The following IQSEC2 variants were observed in gnomAD, a reference collection of about 807,000 sequenced individuals.
IQSEC2 encodes IQ motif and Sec7 domain ArfGEF 2, also known as IQ motif and SEC7 domain-containing protein 2.
Under a neutral mutation model 74.6 loss-of-function variants are expected in IQSEC2, and 6 were observed. That is an observed-to-expected ratio of 0.08 (90% CI 0.04 to 0.16). The LOEUF is 0.16. IQSEC2 is among the 10% of genes least tolerant of loss of function. The pLI is 1.00. For synonymous variants in IQSEC2, 494 were observed against 544.5 expected, an observed-to-expected ratio of 0.91 and a Z score of 1.29; for missense variants, 734 against 1,306.2, an observed-to-expected ratio of 0.56 and a Z score of 6.75.
chrX:53,289,634 C>G (rs1402581533), intron 2 of IQSEC2, among the ~76,000 whole-genome samples: 1 of 111,380 alleles, frequency 9.0e-6, no homozygotes, highest in Non-Finnish European at 1.9e-5. Context: ...CCCTACCCAG[C>G]CCTGGTTGCA....
rs1362801354 is a variant in IQSEC2 at position 53,235,197 on chromosome X, A to AG, written c.3502-14dup. ...TAATAACAGACCCCTGGAAGCGGGGAGGGGGGAAGTCAGGCCAGGCTAGAT... is the reference window on the plus strand; with the variant it reads ...TAATAACAGACCCCTGGAAGCGGGGAGGGGGGGAAGTCAGGCCAGGCTAGAT... On this transcript the variant is annotated splice_polypyrimidine_tract_variant and intron_variant, in intron 14 of 14. Coordinates refer to ENST00000642864, the MANE Select transcript of IQSEC2 (RefSeq NM_001111125.3). 1 of 1,163,930 alleles carries AG rather than the reference A, an allele frequency of 8.6e-7. No individual in the cohort carries two copies. Among genetic ancestry groups the AG allele is most frequent in the African/African-American group, 1.8e-5 (1 of 55,818 alleles).
intron 2 of IQSEC2, among the ~76,000 whole-genome samples, chrX:53,284,370 A>G (rs2075005144): frequency 9.2e-6 from 1 of 108,676 alleles, no homozygotes; most frequent in African/African-American, 3.4e-5. Flanking sequence ...CCCCACCTTC[A>G]ACCTGCACCC....
intron 9 of IQSEC2, 35 bp from the exon 10 acceptor site, chrX:53,241,944 C>A (rs372450194): frequency 2.7e-4 from 321 of 1,197,222 alleles, no homozygotes; most frequent in Middle Eastern, 2.0e-3. Flanking sequence ...GTCAGCAAGG[C>A]CAGCCCATCA....
intron 2 of IQSEC2, among the ~76,000 whole-genome samples, chrX:53,290,248 G>GTGTCAC (rs1200721424): frequency 1.1e-4 from 12 of 111,983 alleles, no homozygotes; most frequent in African/African-American, 3.6e-4. Context: ...TCTACCTACA[G>GTGTCAC]TGTCACTGGG....
At chrX:53,282,132 T>C in intron 2 of IQSEC2, among the ~76,000 whole-genome samples, 1 of 112,849 alleles carries the variant, frequency 8.9e-6, no homozygotes, top group Middle Eastern at 4.6e-3. Context: ...GCCAATATTC[T>C]TTCTCACTGC....
intron 1 of IQSEC2, among the ~76,000 whole-genome samples, chrX:53,301,669 G>C (rs782628689): frequency 1.8e-5 from 2 of 111,897 alleles, no homozygotes; most frequent in Non-Finnish European, 3.8e-5. Context: ...ATATCTCAAG[G>C]CTCCATATGA....
intron 1 of IQSEC2, among the ~76,000 whole-genome samples, chrX:53,312,409 CT>C (rs1556878229): frequency 8.9e-6 from 1 of 111,748 alleles, no homozygotes; most frequent in Non-Finnish European, 1.9e-5. Flanking sequence ...TTATGAGCAC[CT>C]TGAAGCCAGG....
rs781998659 is a variant in IQSEC2 at position 53,273,136 on chromosome X, C to T, written c.738-17075G>A. ...TGACTCCACTATTTTTCCCCTATGA[C>T]GTCATCCTGCTTGGAAGGGCCAAAG... is the stretch of plus-strand genomic sequence containing the variant. On this transcript the variant is annotated intron_variant, in intron 2 of 14. Transcript: ENST00000642864. 1.6e-4 allele frequency among the ~76,000 whole-genome samples: 18 copies of T among 109,226 alleles called. No homozygotes were observed. In the South Asian group the frequency reaches 5.6e-3, roughly 34 times the overall value. 94.8% of individuals were successfully genotyped at this position (109,226 alleles called of 115,157 possible). A position where few individuals can be genotyped will look rare whatever the true frequency, so the allele number is the denominator to read the frequency against.
chrX:53,239,047 T>A (rs2074178259), intron 11 of IQSEC2, 148 bp downstream of exon 11: 10 of 494,544 alleles, frequency 2.0e-5, no homozygotes. Flanking sequence ...CACCCTGGCC[T>A]GCCCCTCATC....
In IQSEC2 at chrX:53,236,499, G is replaced by A; in HGVS notation, c.3278-4C>T. ...CCTTTCTGCTTCTCCAGCTCCGCTG[G>A]GTGGCAGTCGGGGAGACAGGGAGCA... On this transcript the variant is annotated splice_polypyrimidine_tract_variant and splice_region_variant and intron_variant, in intron 12 of 14. Coordinates refer to ENST00000642864, the MANE Select transcript of IQSEC2 (RefSeq NM_001111125.3). The A allele has an allele frequency of 8.4e-7, 1 of 1,190,425 alleles. No individual in the cohort carries two copies. The highest frequency in any genetic ancestry group is 1.1e-6 in the Non-Finnish European group (1 of 884,134).
chrX:53,242,799 G>A (rs1409996864), intron 9 of IQSEC2, among the ~76,000 whole-genome samples: 8 of 110,969 alleles, frequency 7.2e-5, no homozygotes, highest in Admixed American at 9.5e-5. Flanking sequence ...GCGTTGGCAC[G>A]ATCTCAGCTC....
intron 9 of IQSEC2, among the ~76,000 whole-genome samples, chrX:53,242,200 G>A (rs987924145): frequency 9.1e-6 from 1 of 110,398 alleles, no homozygotes; most frequent in East Asian, 2.9e-4. Flanking sequence ...TTGGGAGGCC[G>A]AGGCGAGCGG....
intron 1 of IQSEC2, among the ~76,000 whole-genome samples, chrX:53,294,626 C>CA (rs1556873829): frequency 1.8e-5 from 2 of 111,353 alleles, no homozygotes; most frequent in African/African-American, 3.3e-5. Flanking sequence ...AGTTGAGTTC[C>CA]AAGCAATCTT....
intron 2 of IQSEC2, among the ~76,000 whole-genome samples, chrX:53,276,901 C>T (rs1271029481): frequency 8.9e-6 from 1 of 112,275 alleles, no homozygotes; most frequent in East Asian, 2.8e-4. Context: ...TGAACAATCC[C>T]TGCACTCTTG....
At chrX:53,263,971 C>T (rs1451813868) in intron 2 of IQSEC2, among the ~76,000 whole-genome samples, 1 of 112,392 alleles carries the variant, frequency 8.9e-6, no homozygotes, top group Non-Finnish European at 1.9e-5. Flanking sequence ...CCTGGGTCCT[C>T]GAAGACCACA....
At chrX:53,257,263 T>A (rs1330804086) in intron 2 of IQSEC2, among the ~76,000 whole-genome samples, 1 of 112,265 alleles carries the variant, frequency 8.9e-6, no homozygotes, top group Non-Finnish European at 1.9e-5. Context: ...GGGGGGACCC[T>A]ACCAGTGCAG....
At chrX:53,260,226 T>C (rs1313050696) in intron 2 of IQSEC2, among the ~76,000 whole-genome samples, 1 of 110,847 alleles carries the variant, frequency 9.0e-6, no homozygotes, top group Non-Finnish European at 1.9e-5. Context: ...CTGAGGGAAG[T>C]GAGAGGAAGT....
intron 1 of IQSEC2, among the ~76,000 whole-genome samples, chrX:53,298,287 C>G (rs1279763837): frequency 9.2e-6 from 1 of 109,220 alleles, no homozygotes; most frequent in African/African-American, 3.4e-5. Flanking sequence ...AGCACATTCC[C>G]CAGGGCTTCC....
At chrX:53,267,164 G>A in intron 2 of IQSEC2, 1 of 1,067,945 alleles carries the variant, frequency 9.4e-7, no homozygotes, top group Non-Finnish European at 1.2e-6. Flanking sequence ...GAAGGGCCAG[G>A]ACCGGAACCA....
Sources: gnomAD v4.1 joint callset for allele counts (sites outside exome capture counted in the v4.1 genomes callset) on GRCh38, gnomAD v4.1.1 for gene constraint, MANE v1.5 for transcripts, NCBI Gene and HGNC (gene_info 2026-07-23, HGNC 2026-07-21) for gene names.